P2RX5: variants seen among roughly 807,000 people sequenced by gnomAD.
The protein encoded by P2RX5 is P2X purinoceptor 5.
In P2RX5, 46 loss-of-function variants were observed where a neutral mutation model predicts 54.1. The ratio of observed to expected loss-of-function variants is 0.85; its 90% CI spans 0.67 to 1.09. The LOEUF (loss-of-function observed/expected upper bound fraction) is 1.09, where lower values mean the gene tolerates loss of function less well. Among genes scored for constraint, P2RX5 ranks in the 50% least tolerant of loss-of-function variants. The pLI is 0.00. For missense variants in P2RX5, 566 were observed against 549.8 expected, an observed-to-expected ratio of 1.03 and a Z score of -0.29; for synonymous variants, 226 against 226.4, an observed-to-expected ratio of 1.00 and a Z score of 0.02.
At chr17:3,696,801 T>C (rs2050767426), upstream of P2RX5, among the ~76,000 whole-genome samples, 1 of 152,162 alleles carries the variant, frequency 6.6e-6, no homozygotes, top group African/African-American at 2.4e-5. Flanking sequence ...CAAAGGGTTC[T>C]TCCTATTGAA....
rs369435521 is a variant in P2RX5, at chr17:3,679,440, G to C, written c.1259+150C>G. 5 of 707,398 alleles carry C rather than the reference G, an allele frequency of 7.1e-6. No individual in the cohort carries two copies. In the South Asian group the frequency reaches 8.4e-5, roughly 12 times the overall value. The allele number at this position is 707,398 out of a possible 1,614,324, so 43.8% of individuals were successfully genotyped here. Reference sequence around the variant, plus strand: ...TAAAGCACCAGCCCCTTCCCACAGAGGCTCTCCCAGTTCCTAGATGTCCTG... The same window carrying C: ...TAAAGCACCAGCCCCTTCCCACAGACGCTCTCCCAGTTCCTAGATGTCCTG... On this transcript the variant is annotated intron_variant, in intron 11 of 11. Coordinates refer to ENST00000225328, the MANE Select transcript of P2RX5 (RefSeq NM_002561.4).
chr17:3,690,568 A>G, intron 4 of P2RX5, 37 bp downstream of exon 4: 1 of 1,612,224 alleles, frequency 6.2e-7, no homozygotes, highest in South Asian at 1.1e-5. Flanking sequence ...TCCCACTCCG[A>G]GTCCTCCTTC....
At chr17:3,704,355 A>G in the P2RX5 span, among the ~76,000 whole-genome samples, 1 of 152,320 alleles carries the variant, frequency 6.6e-6, no homozygotes, top group South Asian at 2.1e-4. Context: ...GCCCAGAGAG[A>G]CAAGAGTGGG....
Position 3,675,416 on chromosome 17 carries a change from G to A in P2RX5, c.1260-1539C>T, listed in dbSNP as rs115183729. ...TTCTGTGGCTTCTGCCAGCCATTTCGAAGTCTGGTTAAAATCAGCAGCCAT... is the reference window on the plus strand; with the variant it reads ...TTCTGTGGCTTCTGCCAGCCATTTCAAAGTCTGGTTAAAATCAGCAGCCAT... On this transcript the variant is annotated intron_variant, in intron 11 of 11. Transcript: ENST00000225328. 1.2e-3 allele frequency: 1,166 copies of A among 985,326 alleles called. 16 individuals carry two copies. The African/African-American group carries it at 0.019, about 16-fold the overall frequency. The allele number at this position is 985,326 out of a possible 1,614,324, so 61.0% of individuals were successfully genotyped here. A position where few individuals can be genotyped will look rare whatever the true frequency, so the allele number is the denominator to read the frequency against.
chr17:3,691,057 T>C (rs775011968), intron 2 of P2RX5, 30 bp from the exon 3 acceptor site: 1 of 1,541,636 alleles, frequency 6.5e-7, no homozygotes, highest in South Asian at 1.1e-5. Flanking sequence ...CTGAGGAACC[T>C]CCTCCTGCCC....
At chr17:3,716,718 CACCAG>C in the P2RX5 span, 14 of 1,608,408 alleles carry the variant, frequency 8.7e-6, no homozygotes, top group Non-Finnish European at 1.7e-6. Context: ...TCACGATCAA[CACCAG>C]AAGTCCACCA....
chr17:3,694,249 C>A (rs1424105825), intron 1 of P2RX5, among the ~76,000 whole-genome samples: 7 of 149,512 alleles, frequency 4.7e-5, no homozygotes, highest in Non-Finnish European at 8.9e-5. Context: ...AAAAAAAGGC[C>A]GCATACTATA....
intron 7 of P2RX5, 73 bp from the exon 8 acceptor site, chr17:3,688,832 A>C (rs1257778010): frequency 1.3e-6 from 2 of 1,546,238 alleles, no homozygotes; most frequent in African/African-American, 2.7e-5. Flanking sequence ...CCAGCCCTTC[A>C]CCGGCACTGG....
At chr17:3,699,050 CAG>C (rs1465981233), upstream of P2RX5, among the ~76,000 whole-genome samples, 10 of 100,180 alleles carry the variant, frequency 1.0e-4, no homozygotes, top group East Asian at 3.5e-4. Flanking sequence ...TATATATAGA[CAG>C]ACACACACAC....
intron 1 of P2RX5, chr17:3,692,043 C>A: frequency 1.9e-6 from 1 of 527,590 alleles, no homozygotes; most frequent in Non-Finnish European, 3.4e-6. Context: ...AAAGACCAGC[C>A]GGGCGCAGTG....
intron 9 of P2RX5, among the ~76,000 whole-genome samples, chr17:3,683,880 G>A (rs2050358597): frequency 6.6e-6 from 1 of 152,192 alleles, no homozygotes; most frequent in East Asian, 1.9e-4. Context: ...CCAGGAACGT[G>A]GTCCTGGTAT....
At chr17:3,692,854 A>G (rs957761865) in intron 1 of P2RX5, among the ~76,000 whole-genome samples, 17 of 152,244 alleles carry the variant, frequency 1.1e-4, no homozygotes, top group African/African-American at 3.9e-4. Flanking sequence ...AAATGAAATA[A>G]GAGTACAAAT....
chr17:3,681,847 G>T (rs778637173), intron 10 of P2RX5, 49 bp downstream of exon 10: 2 of 1,254,598 alleles, frequency 1.6e-6, no homozygotes, highest in South Asian at 1.2e-5. Flanking sequence ...AGCCACGGGG[G>T]TGCTCCACAG....
chr17:3,677,360 CAGAT>C (rs147214961), intron 11 of P2RX5: 396,971 of 984,438 alleles, frequency 0.4, 81,739 homozygotes, highest in African/African-American at 0.61. Flanking sequence ...CTGGTGGAGT[CAGAT>C]GGAGCAGAGG....
rs752210562 is a variant in P2RX5, at chr17:3,689,457, C to T, written c.753+35G>A. On this transcript the variant is annotated intron_variant, in intron 7 of 11. Transcript: ENST00000225328. ...AGAGCCAGGCCCAGTGCCCCCAGGC[C>T]CTCAGGGAGGGCTCCCTGCGTGCAC... 3.1e-6 allele frequency: 5 copies of T among 1,612,146 alleles called. No individual in the cohort carries two copies. In the African/African-American group the frequency reaches 5.3e-5, roughly 17 times the overall value.
In P2RX5 at chr17:3,681,084, G is replaced by A. The variant is rs374653284; in HGVS notation, c.1064+812C>T. 4.5e-4 allele frequency among the ~76,000 whole-genome samples: 68 copies of A among 150,736 alleles called. 1 individual carries two copies. In the South Asian group the frequency reaches 0.013, roughly 29 times the overall value. On this transcript the variant is annotated intron_variant, in intron 10 of 11. Coordinates refer to ENST00000225328, the MANE Select transcript of P2RX5 (RefSeq NM_002561.4). ...ATCCTCCACCCAGCGTCCTCCACCC[G>A]GCTTCCTCTACCCTGCTTCCTTCAG... is the stretch of plus-strand genomic sequence containing the variant.
At chr17:3,716,896 AC>A in the P2RX5 span, 1 of 697,806 alleles carries the variant, frequency 1.4e-6, no homozygotes, top group East Asian at 2.6e-5. Flanking sequence ...GGACTTGGCA[AC>A]AACCCGTGTA....
chr17:3,695,559 T>A (rs939100894), intron 1 of P2RX5, among the ~76,000 whole-genome samples: 1 of 151,932 alleles, frequency 6.6e-6, no homozygotes, highest in Non-Finnish European at 1.5e-5. Flanking sequence ...CCCATGGCCC[T>A]AACACGTGGG....
At chr17:3,691,991 A>G (rs946262910) in intron 1 of P2RX5, 197 bp from the exon 2 acceptor site, 3 of 611,882 alleles carry the variant, frequency 4.9e-6, no homozygotes, top group South Asian at 1.9e-5. Context: ...TGCAAGCAGC[A>G]GAGGCGACAA....
Sources: allele counts gnomAD v4.1 joint callset (sites outside exome capture counted in the v4.1 genomes callset), GRCh38; gene constraint gnomAD v4.1.1; transcripts MANE v1.5; gene names NCBI Gene and HGNC (gene_info 2026-07-23, HGNC 2026-07-21).